EDIL3: variants seen among roughly 807,000 people sequenced by gnomAD.
EDIL3 encodes EGF-like repeat and discoidin I-like domain-containing protein 3.
EDIL3 carries 37 observed loss-of-function variants against 67.4 expected under a neutral mutation model. That is an observed-to-expected ratio of 0.55 (90% confidence interval 0.42 to 0.72). The LOEUF (loss-of-function observed/expected upper bound fraction) is 0.72. Among genes scored for constraint, EDIL3 ranks in the 30% least tolerant of loss-of-function variants. The pLI, the probability that EDIL3 is intolerant of heterozygous loss-of-function variation, is 0.00. For missense variants in EDIL3, 527 were observed against 586.3 expected, an observed-to-expected ratio of 0.90 and a Z score of 1.04; for synonymous variants, 195 against 196.3, an observed-to-expected ratio of 0.99 and a Z score of 0.05.
At chr5:83,975,834 T>C (rs1031632853) in intron 9 of EDIL3, among the ~76,000 whole-genome samples, 15 of 152,018 alleles carry the variant, frequency 9.9e-5, no homozygotes, top group African/African-American at 3.6e-4. Context: ...ACAATCAACA[T>C]GGAGGCATCA....
intron 2 of EDIL3, among the ~76,000 whole-genome samples, chr5:84,238,667 T>G (rs1744728159): frequency 1.1e-5 from 1 of 90,210 alleles, no homozygotes; most frequent in Non-Finnish European, 2.6e-5. Flanking sequence ...AATTAAATGT[T>G]TTTTTTTTTT....
chr5:84,019,167 T>C (rs1351491674), intron 9 of EDIL3, among the ~76,000 whole-genome samples: 1 of 152,076 alleles, frequency 6.6e-6, no homozygotes, highest in Non-Finnish European at 1.5e-5. Flanking sequence ...AATGATAGAC[T>C]GGATTAAGAA....
At chr5:84,021,412 C>T (rs920591673) in intron 9 of EDIL3, among the ~76,000 whole-genome samples, 1 of 151,926 alleles carries the variant, frequency 6.6e-6, no homozygotes, top group Admixed American at 6.6e-5. Context: ...TTTCCATTTT[C>T]ACTATTTCAA....
At chr5:84,021,612 T>C (rs1745717718) in intron 9 of EDIL3, among the ~76,000 whole-genome samples, 1 of 152,024 alleles carries the variant, frequency 6.6e-6, no homozygotes, top group Admixed American at 6.6e-5. Context: ...ACTTGTTTTG[T>C]GGGCTAACAT....
intron 1 of EDIL3, among the ~76,000 whole-genome samples, chr5:84,354,544 C>A (rs1747436670): frequency 6.6e-6 from 1 of 151,488 alleles, no homozygotes; most frequent in African/African-American, 2.4e-5. Flanking sequence ...GTAATACCAG[C>A]TACTCGGGAA....
At chr5:84,070,633 G>GTA (rs1298256101) in intron 6 of EDIL3, among the ~76,000 whole-genome samples, 7 of 150,924 alleles carry the variant, frequency 4.6e-5, no homozygotes, top group Admixed American at 3.9e-4. Context: ...GTGTGTGTGT[G>GTA]TGTGTGTGTG....
intron 5 of EDIL3, among the ~76,000 whole-genome samples, chr5:84,111,034 T>G (rs1747554758): frequency 6.6e-6 from 1 of 152,114 alleles, no homozygotes; most frequent in Non-Finnish European, 1.5e-5. Context: ...CTCTTTGCTA[T>G]TCTCATAATG....
At chr5:84,225,964 CTATT>C (rs1294840970) in intron 3 of EDIL3, among the ~76,000 whole-genome samples, 1 of 151,472 alleles carries the variant, frequency 6.6e-6, no homozygotes, top group Non-Finnish European at 1.5e-5. Context: ...GTAAAAAACG[CTATT>C]TATTGTATTA....
rs921397084 is a variant in EDIL3 at position 83,983,761 on chromosome 5, A to G, written c.1138-20401T>C. Among the ~76,000 whole-genome samples, 211 of 113,496 alleles carry G rather than the reference A, an allele frequency of 1.9e-3. 2 individuals are homozygous for G. The highest frequency in any genetic ancestry group is 8.7e-3 in the African/African-American group (202 of 23,198). The allele number at this position is 113,496 out of a possible 152,430, so 74.5% of individuals were successfully genotyped here. A position where few individuals can be genotyped will look rare whatever the true frequency, so the allele number is the denominator to read the frequency against. On this transcript the variant is annotated intron_variant, in intron 9 of 10. Coordinates refer to ENST00000296591, the MANE Select transcript of EDIL3 (RefSeq NM_005711.5). ...GACTTTCTTTTTTTTTTTTTTTTTC[A>G]CTGTTCATTCAATCTGAGTTTAAAT... is the stretch of plus-strand genomic sequence containing the variant.
chr5:83,946,971 T>C (rs1744321302), intron 10 of EDIL3, among the ~76,000 whole-genome samples: 1 of 151,914 alleles, frequency 6.6e-6, no homozygotes, highest in Non-Finnish European at 1.5e-5. Context: ...ATCATTCAAA[T>C]AGCGAGTGGT....
At chr5:84,061,512 T>A (rs768062381) in intron 8 of EDIL3, among the ~76,000 whole-genome samples, 6 of 152,086 alleles carry the variant, frequency 3.9e-5, no homozygotes, top group South Asian at 2.1e-4. Context: ...AGTTTGATCA[T>A]CAAAGAAACA....
chr5:84,265,527 A>C (rs1410782383), intron 1 of EDIL3, among the ~76,000 whole-genome samples: 2 of 152,262 alleles, frequency 1.3e-5, no homozygotes, highest in African/African-American at 4.8e-5. Context: ...ATTTTGTAAA[A>C]AGTGAATGAT....
At chr5:84,141,906 C>CATATATATATATATATATACATAT (rs1178660927) in intron 4 of EDIL3, among the ~76,000 whole-genome samples, 1 of 96,858 alleles carries the variant, frequency 1.0e-5, no homozygotes, top group Non-Finnish European at 2.1e-5. Flanking sequence ...ACAAACTACT[C>CATATATATATATATATATACATAT]ATATATATAT....
chr5:84,286,874 C>A (rs1244018882), intron 1 of EDIL3, among the ~76,000 whole-genome samples: 2 of 152,212 alleles, frequency 1.3e-5, no homozygotes, highest in Non-Finnish European at 2.9e-5. Context: ...GCTCTCCCCA[C>A]TGAGGTTTTA....
At chr5:84,370,690 A>G (rs950508467) in intron 1 of EDIL3, among the ~76,000 whole-genome samples, 3 of 152,310 alleles carry the variant, frequency 2.0e-5, no homozygotes, top group Admixed American at 2.0e-4. Flanking sequence ...CTGTTTATAA[A>G]TTAGACAGCT....
intron 10 of EDIL3, among the ~76,000 whole-genome samples, chr5:83,962,486 C>T (rs1322318460): frequency 6.6e-6 from 1 of 151,200 alleles, no homozygotes; most frequent in South Asian, 2.1e-4. Flanking sequence ...GATACTGAAA[C>T]CAATAGATAC....
chr5:84,362,701 A>G (rs902035810), intron 1 of EDIL3, among the ~76,000 whole-genome samples: 3 of 152,152 alleles, frequency 2.0e-5, no homozygotes, highest in Non-Finnish European at 4.4e-5. Context: ...CCCCAAATCA[A>G]TTGACATAAT....
At position 84,124,946 on chromosome 5, in the gene EDIL3, G is replaced by A. The variant is rs547939324; in HGVS notation, c.469+12295C>T. 7.2e-5 allele frequency among the ~76,000 whole-genome samples: 11 copies of A among 152,070 alleles called. No homozygotes were observed. The East Asian group carries it at 2.1e-3, about 29-fold the overall frequency. ...CTTATAAACTGACTGCTTTCTTGGT[G>A]TTAACCTTTTCATGCACAATCCCTT... On this transcript the variant is annotated intron_variant, in intron 5 of 10. Transcript: ENST00000296591.
At chr5:84,243,191 C>A (rs1352157410) in intron 2 of EDIL3, among the ~76,000 whole-genome samples, 1 of 152,100 alleles carries the variant, frequency 6.6e-6, no homozygotes, top group Non-Finnish European at 1.5e-5. Flanking sequence ...AAACTGCATA[C>A]AAAGACTATC....
Sources: gnomAD v4.1 joint callset for allele counts (sites outside exome capture counted in the v4.1 genomes callset) on GRCh38, gnomAD v4.1.1 for gene constraint, MANE v1.5 for transcripts, NCBI Gene and HGNC (gene_info 2026-07-23, HGNC 2026-07-21) for gene names.